RPF2: variants seen among roughly 807,000 people sequenced by gnomAD.
RPF2 encodes the protein ribosome production factor 2 homolog.
Under a neutral mutation model 38.9 loss-of-function variants are expected in RPF2, and 21 were observed. The observed-to-expected ratio is 0.54, with a 90% CI of 0.38 to 0.78. RPF2 has a LOEUF of 0.78. RPF2 is among the 30% of genes least tolerant of loss of function. The pLI, the probability that RPF2 is intolerant of heterozygous loss-of-function variation, is 0.00. For synonymous variants in RPF2, 121 were observed against 126.2 expected, an observed-to-expected ratio of 0.96 and a Z score of 0.28; for missense variants, 314 against 358.1, an observed-to-expected ratio of 0.88 and a Z score of 0.99.
intron 6 of RPF2, among the ~76,000 whole-genome samples, chr6:111,005,840 G>A (rs958012735): frequency 6.6e-6 from 1 of 151,732 alleles, no homozygotes; most frequent in South Asian, 2.1e-4. Context: ...TCTTGAGACG[G>A]AGTCTCTGTC....
chr6:111,024,265 AG>A lies in RPF2; in HGVS notation c.681del (p.Thr228HisfsTer13). The A allele has an allele frequency of 1.2e-6, 2 of 1,612,154 alleles. No homozygotes were observed. Among genetic ancestry groups the A allele is most frequent in the Non-Finnish European group, 1.7e-6 (2 of 1,179,902 alleles). On this transcript the variant is annotated frameshift_variant, in exon 9 of 10. Coordinates refer to ENST00000441448, the MANE Select transcript of RPF2 (RefSeq NM_032194.3). LOFTEE classifies it high-confidence loss of function. ...ACCCTCATTGGATCTGGTTCTGAGG[AG>A]GACACACCTGGCATCGGATGACCTT... is the stretch of plus-strand genomic sequence containing the variant. ...MGPSLDLVLR[R>X]THLASDDLYK...
At chr6:111,019,868 T>C (rs1772198561) in intron 8 of RPF2, among the ~76,000 whole-genome samples, 13 of 152,216 alleles carry the variant, frequency 8.5e-5, no homozygotes, top group Admixed American at 8.5e-4. Flanking sequence ...TATGCAAGTA[T>C]TTCAAACTCT....
intron 6 of RPF2, among the ~76,000 whole-genome samples, chr6:111,007,274 T>C (rs1310844410): frequency 6.6e-6 from 1 of 152,232 alleles, no homozygotes; most frequent in Non-Finnish European, 1.5e-5. Flanking sequence ...TTTTGTTTTG[T>C]TTTCCTTTTG....
At chr6:111,016,285 C>CACA (rs1772106639) in intron 8 of RPF2, among the ~76,000 whole-genome samples, 2 of 147,404 alleles carry the variant, frequency 1.4e-5, no homozygotes, top group Admixed American at 1.4e-4. Flanking sequence ...CTACCCCTAC[C>CACA]ACAATATAAA....
chr6:110,988,434 CT>C (rs71021819), intron 2 of RPF2, among the ~76,000 whole-genome samples: 1,577 of 140,154 alleles, frequency 0.011, 17 homozygotes, highest in African/African-American at 0.037. Flanking sequence ...TTGTCTACTA[CT>C]TTTTTTTTTT....
chr6:110,982,294 A>C (rs1176803540), intron 1 of RPF2, 165 bp downstream of exon 1: 2 of 736,186 alleles, frequency 2.7e-6, no homozygotes, highest in Non-Finnish European at 4.7e-6. Flanking sequence ...GCTGCTTGCC[A>C]GGAGACAGTG....
At position 111,008,054 on chromosome 6, in the gene RPF2, A is replaced by G. The variant is rs757886895; in HGVS notation, c.410A>G (p.Glu137Gly). 1 of 1,570,932 alleles carries G rather than the reference A, an allele frequency of 6.4e-7. No individual in the cohort carries two copies. Among genetic ancestry groups the G allele is most frequent in the Non-Finnish European group, 8.6e-7 (1 of 1,159,844 alleles). ...TTTTTTTAGAACAGTAAATGTCCTGAGGGAACAAAACCCATGCTGATATTT... is the reference window on the plus strand; with the variant it reads ...TTTTTTTAGAACAGTAAATGTCCTGGGGGAACAAAACCCATGCTGATATTT... ...LKDIKNSKCP[E>G]GTKPMLIFAG... The change falls in exon 7 of 10, where the codon GAG (glutamate) becomes GGG (glycine). Residue 137 changes from glutamate (E) to glycine (G), a missense_variant. Physicochemically the swap from Glu to Gly is moderately conservative, Grantham distance 98. Transcript: ENST00000441448.
At chr6:110,986,251 A>G (rs1771524082) in intron 2 of RPF2, among the ~76,000 whole-genome samples, 1 of 152,190 alleles carries the variant, frequency 6.6e-6, no homozygotes, top group Non-Finnish European at 1.5e-5. Flanking sequence ...GAAAGATATT[A>G]AGCAAGAGAT....
chr6:111,016,696 T>TTTAATTGA (rs1772119886), intron 8 of RPF2, among the ~76,000 whole-genome samples: 1 of 149,600 alleles, frequency 6.7e-6, no homozygotes, highest in African/African-American at 2.5e-5. Context: ...TCTTTTTTTT[T>TTTAATTGA]TTTTTAATTG....
At chr6:111,010,978 C>T (rs1305721774) in intron 7 of RPF2, among the ~76,000 whole-genome samples, 3 of 152,084 alleles carry the variant, frequency 2.0e-5, no homozygotes, top group Admixed American at 1.3e-4. Flanking sequence ...TTAATCTTTA[C>T]AAAAGTTCTT....
chr6:111,001,504 G>A (rs541541946), intron 6 of RPF2, among the ~76,000 whole-genome samples: 10 of 151,878 alleles, frequency 6.6e-5, no homozygotes, highest in African/African-American at 2.4e-4. Flanking sequence ...CAGCCTCCCA[G>A]GTAACTGGGA....
At chr6:110,991,988 A>G (rs997403176) in intron 4 of RPF2, among the ~76,000 whole-genome samples, 1 of 152,136 alleles carries the variant, frequency 6.6e-6, no homozygotes, top group African/African-American at 2.4e-5. Context: ...TGTGTTTTTC[A>G]TTGCCTGCAA....
At chr6:110,986,856 G>T (rs937880423) in intron 2 of RPF2, among the ~76,000 whole-genome samples, 1 of 151,752 alleles carries the variant, frequency 6.6e-6, no homozygotes, top group Non-Finnish European at 1.5e-5. Flanking sequence ...GGAGGCTGAG[G>T]CCGGAAAATC....
chr6:111,004,549 GTTTTTTTT>G (rs10617821), intron 6 of RPF2, among the ~76,000 whole-genome samples: 2 of 141,522 alleles, frequency 1.4e-5, no homozygotes, highest in Non-Finnish European at 3.1e-5. Context: ...AAGTATTGGG[GTTTTTTTT>G]TTTTTGGAGA....
intron 4 of RPF2, among the ~76,000 whole-genome samples, chr6:110,996,328 A>C (rs570896657): frequency 6.6e-6 from 1 of 151,736 alleles, no homozygotes; most frequent in Non-Finnish European, 1.5e-5. Flanking sequence ...ACAGGCATGC[A>C]CTACCATGCC....
intron 4 of RPF2, among the ~76,000 whole-genome samples, chr6:110,993,035 T>C (rs1184479687): frequency 6.6e-6 from 1 of 152,214 alleles, no homozygotes; most frequent in Non-Finnish European, 1.5e-5. Context: ...TGATCTCTGC[T>C]CACTGCAGTC....
At chr6:111,019,917 C>CTTTTTTTT (rs763096502) in intron 8 of RPF2, among the ~76,000 whole-genome samples, 3 of 148,954 alleles carry the variant, frequency 2.0e-5, no homozygotes, top group Non-Finnish European at 3.0e-5. Flanking sequence ...TCTTTTCTTT[C>CTTTTTTTT]TTTTGTTTTT....
chr6:110,982,155 G>A, intron 1 of RPF2, 26 bp downstream of exon 1: 1 of 1,613,688 alleles, frequency 6.2e-7, no homozygotes, highest in South Asian at 1.1e-5. Context: ...CTCAGCCCCG[G>A]GGAGCGTTGG....
At chr6:110,982,234 T>G in intron 1 of RPF2, 105 bp downstream of exon 1, 1 of 1,296,050 alleles carries the variant, frequency 7.7e-7, no homozygotes, top group Non-Finnish European at 1.1e-6. Context: ...CCCCTCTAAT[T>G]ACCTGGGTGG....
Sources: allele counts gnomAD v4.1 joint callset (sites outside exome capture counted in the v4.1 genomes callset), GRCh38; gene constraint gnomAD v4.1.1; transcripts MANE v1.5; gene names NCBI Gene and HGNC (gene_info 2026-07-23, HGNC 2026-07-21).